Variants in TTC21B observed in about 807,000 individuals in gnomAD.
The protein encoded by TTC21B is tetratricopeptide repeat domain 21B.
TTC21B carries 127 observed loss-of-function variants against 175.1 expected under a neutral mutation model. The ratio of observed to expected loss-of-function variants is 0.73; its 90% CI spans 0.63 to 0.84. The LOEUF (loss-of-function observed/expected upper bound fraction) is 0.84, where lower values mean the gene tolerates loss of function less well. TTC21B is among the 40% of genes least tolerant of loss of function. The pLI, the probability that TTC21B is intolerant of heterozygous loss-of-function variation, is 0.00. For missense variants in TTC21B, 1,561 were observed against 1,558.3 expected (o/e 1.00, Z -0.03); for synonymous variants, 524 against 524.5 (o/e 1.00, Z 0.01).
chr2:165,918,394 A>G (rs1686259535), intron 13 of TTC21B, among the ~76,000 whole-genome samples: 1 of 152,034 alleles, frequency 6.6e-6, no homozygotes, highest in Admixed American at 6.6e-5. Context: ...TCCCAGGTTC[A>G]CGCCATTCTC....
At chr2:165,881,474 G>A (rs981943561) in intron 26 of TTC21B, among the ~76,000 whole-genome samples, 10 of 151,992 alleles carry the variant, frequency 6.6e-5, no homozygotes, top group African/African-American at 2.4e-4. Flanking sequence ...TTTCCCTTCT[G>A]GTATGTCTGT....
rs750325039 is a variant in TTC21B, at chr2:165,929,759, C to A, written c.1088-12G>T. On this transcript the variant is annotated splice_polypyrimidine_tract_variant and intron_variant, in intron 9 of 28. Transcript: ENST00000243344. ...ACATTGGATAAATCCTAAAATCAAA[C>A]AGCAGAAAGACAGTCAAAGTCCACA... The A allele has an allele frequency of 1.9e-6, 3 of 1,588,676 alleles. No homozygotes were observed. In the African/African-American group the frequency reaches 4.0e-5, roughly 21 times the overall value.
At chr2:165,950,723 G>T (rs1687737180) in intron 1 of TTC21B, among the ~76,000 whole-genome samples, 1 of 152,144 alleles carries the variant, frequency 6.6e-6, no homozygotes. Context: ...CGATTCTCCT[G>T]CCTCAGCCTC....
chr2:165,949,244 C>T (rs1687684527), intron 3 of TTC21B, 150 bp downstream of exon 3: 4 of 670,888 alleles, frequency 6.0e-6, no homozygotes, highest in Admixed American at 5.2e-5. Flanking sequence ...TGAATTTACA[C>T]CCTTGTCAGG....
At chr2:165,930,650 TGA>T (rs1686854974) in intron 8 of TTC21B, among the ~76,000 whole-genome samples, 2 of 151,432 alleles carry the variant, frequency 1.3e-5, no homozygotes, top group Admixed American at 6.6e-5. Flanking sequence ...ACATATTTTT[TGA>T]ACTCCTTTTC....
chr2:165,908,887 A>G (rs1381436640), intron 18 of TTC21B, among the ~76,000 whole-genome samples: 1 of 152,154 alleles, frequency 6.6e-6, no homozygotes, highest in East Asian at 1.9e-4. Context: ...AAATCCATGC[A>G]TATATTTTTA....
chr2:165,930,964 ATATT>A (rs1686885125), intron 8 of TTC21B, among the ~76,000 whole-genome samples: 2 of 152,054 alleles, frequency 1.3e-5, no homozygotes, highest in South Asian at 2.1e-4. Context: ...TAAGAGTAAA[ATATT>A]TATTCAAATG....
intron 23 of TTC21B, 75 bp downstream of exon 23, chr2:165,890,763 C>T: frequency 6.5e-7 from 1 of 1,546,530 alleles, no homozygotes; most frequent in South Asian, 1.2e-5. Context: ...TTTTTTACTA[C>T]AAAGAAAAGC....
chr2:165,904,225 T>C (rs78761122), intron 19 of TTC21B, among the ~76,000 whole-genome samples: 1 of 151,452 alleles, frequency 6.6e-6, no homozygotes, highest in East Asian at 1.9e-4. Flanking sequence ...AACTAACCTA[T>C]GGCTGGGTGC....
At chr2:165,879,261 C>T (rs905814576) in intron 27 of TTC21B, among the ~76,000 whole-genome samples, 1 of 152,264 alleles carries the variant, frequency 6.6e-6, no homozygotes, top group Non-Finnish European at 1.5e-5. Context: ...AATTTAACTT[C>T]TATGTGCATT....
At chr2:165,923,603 C>A (rs1686502587) in intron 12 of TTC21B, among the ~76,000 whole-genome samples, 1 of 64,410 alleles carries the variant, frequency 1.6e-5, no homozygotes, top group Admixed American at 1.9e-4. Flanking sequence ...TGCCACCATG[C>A]CTGGCTAATT....
At chr2:165,914,626 C>T (rs895508083) in intron 15 of TTC21B, among the ~76,000 whole-genome samples, 51 of 116,882 alleles carry the variant, frequency 4.4e-4, no homozygotes, top group Non-Finnish European at 5.1e-4. Flanking sequence ...CTATGTTTAC[C>T]CTTCTGTTTG....
Position 165,901,712 on chromosome 2 carries a change from A to G in TTC21B, c.2757+10T>C. 1 of 1,611,790 alleles carries G rather than the reference A, an allele frequency of 6.2e-7. No homozygotes were observed. The highest frequency in any genetic ancestry group is 8.5e-7 in the Non-Finnish European group (1 of 1,177,944). On this transcript the variant is annotated intron_variant, in intron 20 of 28. Transcript: ENST00000243344. The stretch of plus-strand genomic sequence containing the variant: ...ATAAAAGGTATTTAAAATTTTATAA[A>G]GGTACTGACCTTATTATCTGTTTCG...
chr2:165,909,795 T>G (rs1240877581), intron 18 of TTC21B, among the ~76,000 whole-genome samples: 2 of 152,168 alleles, frequency 1.3e-5, no homozygotes, highest in Non-Finnish European at 2.9e-5. Flanking sequence ...ATTATGATAT[T>G]AAGATACAGT....
rs1246746208 is a variant in TTC21B at position 165,919,407 on chromosome 2, G to A, written c.1543C>T (p.Leu515Phe). 3.7e-6 allele frequency: 6 copies of A among 1,613,898 alleles called. No individual in the cohort carries two copies. The highest frequency in any genetic ancestry group is 2.7e-5 in the African/African-American group (2 of 74,896). ...GGATTGTGTTCTAAGCAGTGCTGAAGGTTATTGAAAGCTGCTTCAATATCA... is the reference window on the plus strand; with the variant it reads ...GGATTGTGTTCTAAGCAGTGCTGAAAGTTATTGAAAGCTGCTTCAATATCA... ...SGDIEAAFNN[L>F]QHCLEHNPSY... Residue 515 changes from leucine (L) to phenylalanine (F), a missense_variant, in exon 13 of 29, where the codon CTT becomes TTT. Leu to Phe is a conservative substitution (Grantham distance 22, BLOSUM62 0). Transcript: ENST00000243344.
rs1241867891 is a variant in TTC21B at position 165,953,680 on chromosome 2, C to CTCACCCGG, written c.21+4_21+5insCCGGGTGA. On this transcript the variant is annotated splice_donor_region_variant and intron_variant, in intron 1 of 28. Coordinates refer to ENST00000243344, the MANE Select transcript of TTC21B (RefSeq NM_024753.5). ...GCTCACCCGCTCACCCGCTCACCCG[C>CTCACCCGG]TCACCTTCAATTCCTGCGAGTCCAT... is the stretch of plus-strand genomic sequence containing the variant. 1 of 1,548,800 alleles carries CTCACCCGG rather than the reference C, an allele frequency of 6.5e-7. No individual in the cohort carries two copies. The highest frequency in any genetic ancestry group is 2.0e-5 in the Admixed American group (1 of 50,988).
At chr2:165,878,680 A>ATT (rs60789699) in intron 27 of TTC21B, among the ~76,000 whole-genome samples, 36 of 130,876 alleles carry the variant, frequency 2.8e-4, no homozygotes, top group Admixed American at 6.3e-4. Flanking sequence ...CATGAGCACG[A>ATT]TTTTTTTTTT....
chr2:165,874,926 G>A (rs1172273182), intron 28 of TTC21B, 94 bp from the exon 29 acceptor site: 1 of 1,125,648 alleles, frequency 8.9e-7, no homozygotes, highest in African/African-American at 1.5e-5. Flanking sequence ...TTACAGTTAA[G>A]ATTTCCTTGT....
At chr2:165,950,070 T>TAAAAAAAAAAAAA (rs769740344) in intron 1 of TTC21B, among the ~76,000 whole-genome samples, 1 of 128,918 alleles carries the variant, frequency 7.8e-6, no homozygotes, top group Non-Finnish European at 1.6e-5. Context: ...AAACAGGAAC[T>TAAAAAAAAAAAAA]AAAAAAAAAA....
Sources: allele counts gnomAD v4.1 joint callset (sites outside exome capture counted in the v4.1 genomes callset), GRCh38; gene constraint gnomAD v4.1.1; transcripts MANE v1.5; gene names NCBI Gene and HGNC (gene_info 2026-07-23, HGNC 2026-07-21).